Variants in RPS6KA2 observed in about 807,000 individuals in gnomAD.
RPS6KA2 encodes ribosomal protein S6 kinase A2.
In RPS6KA2, 42 loss-of-function variants were observed where a neutral mutation model predicts 91.8. The observed-to-expected ratio is 0.46, with a 90% CI of 0.36 to 0.59. RPS6KA2 has a LOEUF of 0.59. Ranked by LOEUF, RPS6KA2 falls within the 20% of genes least tolerant of loss-of-function variation. RPS6KA2 has a pLI of 0.00. For missense variants in RPS6KA2, 798 were observed against 978.5 expected (o/e 0.82, Z 2.46); for synonymous variants, 414 against 393.6 (o/e 1.05, Z -0.61).
intron 11 of RPS6KA2, among the ~76,000 whole-genome samples, chr6:166,460,494 G>A (rs1780239133): frequency 6.6e-6 from 1 of 152,206 alleles, no homozygotes; most frequent in East Asian, 1.9e-4. Context: ...GGAGGGGGAG[G>A]GGCACTGGAG....
chr6:166,586,398 T>C (rs1401740008), intron 1 of RPS6KA2: 10 of 1,600,088 alleles, frequency 6.2e-6, no homozygotes, highest in Non-Finnish European at 8.5e-6. Flanking sequence ...CAGGTATTCC[T>C]GATACTCCTT....
At chr6:166,484,773 G>A (rs558940449) in intron 10 of RPS6KA2, among the ~76,000 whole-genome samples, 8 of 152,264 alleles carry the variant, frequency 5.3e-5, no homozygotes, top group Admixed American at 2.6e-4. Context: ...GAATGAAACC[G>A]TGATTTGGAA....
At chr6:166,586,516 A>G (rs1284539153) in intron 1 of RPS6KA2, 1 of 1,571,594 alleles carries the variant, frequency 6.4e-7, no homozygotes, top group East Asian at 2.2e-5. Context: ...TGTATTGCTT[A>G]ATGTTTAGGT....
At chr6:166,449,371 T>C (rs1236671127) in intron 13 of RPS6KA2, among the ~76,000 whole-genome samples, 1 of 143,524 alleles carries the variant, frequency 7.0e-6, no homozygotes, top group African/African-American at 2.5e-5. Context: ...TACACACCTG[T>C]ATTTCTCCAA....
chr6:166,698,182 G>A lies in RPS6KA2; in HGVS notation c.124-159398C>T, dbSNP rs1015168983. Among the ~76,000 whole-genome samples the A allele has an allele frequency of 2.0e-5, 3 of 152,164 alleles. 1 individual carries two copies. Among genetic ancestry groups the A allele is most frequent in the Admixed American group, 6.5e-5 (1 of 15,274 alleles). On this transcript the variant is annotated intron_variant, in intron 2 of 21. Coordinates refer to the RPS6KA2 transcript ENST00000503859. ...AAAATCCGACAAGAGAAAGGACTGC[G>A]ACACAAAATAGAGTGTCATAAATTT...
chr6:166,790,585 A>C (rs1437885341), intron 2 of RPS6KA2, among the ~76,000 whole-genome samples: 3 of 152,172 alleles, frequency 2.0e-5, no homozygotes, highest in Non-Finnish European at 2.9e-5. Context: ...GTTGAAATGA[A>C]GGAAAAAATG....
chr6:166,465,923 T>C lies in RPS6KA2; in HGVS notation c.972+3918A>G, dbSNP rs544341284. The stretch of plus-strand genomic sequence containing the variant: ...ATGCAAAAGTGGCATTTCTGAGCTC[T>C]TCTGCCACTCACGGGCTGTGTGGGT... On this transcript the variant is annotated intron_variant, in intron 11 of 20. Transcript: ENST00000265678. Among the ~76,000 whole-genome samples, 253 of 152,334 alleles carry C rather than the reference T, an allele frequency of 1.7e-3. 1 individual carries two copies. Among genetic ancestry groups the C allele is most frequent in the African/African-American group, 6.0e-3 (248 of 41,580 alleles).
chr6:166,508,231 C>G lies in RPS6KA2; in HGVS notation c.431G>C (p.Gly144Ala). The change falls in exon 5 of 21, where the codon GGG becomes GCG. Residue 144 changes from glycine to alanine, a missense_variant. By Grantham distance (60) the Gly-to-Ala change is moderately conservative (BLOSUM62 0). Transcript: ENST00000265678. This position sits in a 1 kb window ranked among gnomAD's most constrained non-coding sequence, Gnocchi z 4.3. ...TTTGGAGAGCCGGGTGAAGAGGTCC[C>G]CTCCCCGCAGGAAGTCCAGGATCAG... is the stretch of plus-strand genomic sequence containing the variant. ...LYLILDFLRG[G>A]DLFTRLSKEV... is the part of the protein sequence containing the mutation. 1 of 1,613,652 alleles carries G rather than the reference C, an allele frequency of 6.2e-7. No homozygotes were observed. The highest frequency in any genetic ancestry group is 8.5e-7 in the Non-Finnish European group (1 of 1,179,578).
intron 2 of RPS6KA2, among the ~76,000 whole-genome samples, chr6:166,780,576 C>T (rs1778743230): frequency 6.6e-6 from 1 of 152,130 alleles, no homozygotes; most frequent in Non-Finnish European, 1.5e-5. Flanking sequence ...CCACAGAAGC[C>T]AGAGGTTCCC....
chr6:166,789,020 C>T (rs188668453), intron 2 of RPS6KA2, among the ~76,000 whole-genome samples: 76 of 152,188 alleles, frequency 5.0e-4, no homozygotes, highest in African/African-American at 1.6e-3. Context: ...CACAGGACAG[C>T]GGGTGCAGCA....
chr6:166,544,325 G>A (rs185744411), intron 1 of RPS6KA2, among the ~76,000 whole-genome samples: 170 of 152,302 alleles, frequency 1.1e-3, no homozygotes, highest in African/African-American at 3.9e-3. Context: ...AAAGACAGCC[G>A]CAGACTTGCT....
intron 16 of RPS6KA2, among the ~76,000 whole-genome samples, chr6:166,424,242 C>A (rs978869353): frequency 6.6e-6 from 1 of 152,060 alleles, no homozygotes; most frequent in Non-Finnish European, 1.5e-5. Flanking sequence ...CCATTACCTC[C>A]CCTCATTAAA....
At chr6:166,432,289 C>G (rs1779160996) in intron 15 of RPS6KA2, 112 bp downstream of exon 15, 1 of 714,432 alleles carries the variant, frequency 1.4e-6, no homozygotes, top group Admixed American at 2.3e-5. Flanking sequence ...GTGGTGGAAA[C>G]CAGCTGAGAC....
chr6:166,415,962 TCATCTTCAC>T (rs1226707483), intron 19 of RPS6KA2, among the ~76,000 whole-genome samples: 2 of 109,992 alleles, frequency 1.8e-5, no homozygotes, highest in Non-Finnish European at 3.7e-5. Context: ...ACCTTCACCA[TCATCTTCAC>T]CATCTCCACC....
chr6:166,745,470 A>G lies in RPS6KA2; in HGVS notation c.123+112730T>C, dbSNP rs137926919. Among the ~76,000 whole-genome samples, 280 of 152,220 alleles carry G rather than the reference A, an allele frequency of 1.8e-3. 3 individuals carry two copies. Among genetic ancestry groups the G allele is most frequent in the Non-Finnish European group, 3.7e-3 (252 of 68,000 alleles). On this transcript the variant is annotated intron_variant, in intron 2 of 21. Coordinates refer to the RPS6KA2 transcript ENST00000503859. ...CCCGGCCCTAATCTCCTCTTATCAT[A>G]AAGACACCAGTCAGATTGGACAAGG...
rs16899019 is a variant in RPS6KA2 at position 166,501,505 on chromosome 6, C to T, written c.567-581G>A. Among the ~76,000 whole-genome samples, 108 of 152,334 alleles carry T rather than the reference C, an allele frequency of 7.1e-4. 2 individuals carry two copies. The East Asian group carries it at 0.019, about 26-fold the overall frequency. The stretch of plus-strand genomic sequence containing the variant: ...TGAGACCTGCTCCCGGCTTGGCACC[C>T]CTGCGGGCCACTGGGTCCCTGTCTT... On this transcript the variant is annotated intron_variant, in intron 6 of 20. Coordinates refer to ENST00000265678, the MANE Select transcript of RPS6KA2 (RefSeq NM_021135.6).
At chr6:166,829,627 T>C (rs1330336211) in intron 2 of RPS6KA2, among the ~76,000 whole-genome samples, 1 of 148,260 alleles carries the variant, frequency 6.7e-6, no homozygotes, top group Non-Finnish European at 1.5e-5. Flanking sequence ...AATTATTATA[T>C]GGTCCATCAA....
chr6:166,641,102 T>C (rs1687144067), intron 2 of RPS6KA2, among the ~76,000 whole-genome samples: 1 of 152,026 alleles, frequency 6.6e-6, no homozygotes. Context: ...GTAAGTACAA[T>C]CAGGAGGAAC....
At chr6:166,466,176 C>T (rs1236880065) in intron 11 of RPS6KA2, among the ~76,000 whole-genome samples, 1 of 152,182 alleles carries the variant, frequency 6.6e-6, no homozygotes, top group African/African-American at 2.4e-5. Context: ...GCAGAAATGC[C>T]ACCTTCTTGG....
Sources: allele counts gnomAD v4.1 joint callset (sites outside exome capture counted in the v4.1 genomes callset), GRCh38; gene constraint gnomAD v4.1.1; non-coding constraint Gnocchi (gnomAD v3.1); transcripts MANE v1.5; gene names NCBI Gene and HGNC (gene_info 2026-07-23, HGNC 2026-07-21).